The following BORCS5 variants were observed in gnomAD, a reference collection of about 807,000 sequenced individuals.
BORCS5 encodes BLOC-1 related complex subunit 5.
In BORCS5, 17 loss-of-function variants were observed where a neutral mutation model predicts 22.1. That is an observed-to-expected ratio of 0.77 (90% CI 0.53 to 1.15). The LOEUF (loss-of-function observed/expected upper bound fraction) is 1.15. BORCS5 is among the 50% of genes most tolerant of loss of function. The pLI is 0.00. For synonymous variants in BORCS5, 117 were observed against 99.8 expected (o/e 1.17, Z -1.03); for missense variants, 247 against 253.2 (o/e 0.98, Z 0.17).
intron 2 of BORCS5, among the ~76,000 whole-genome samples, chr12:12,387,232 A>G (rs750402347): frequency 6.6e-6 from 1 of 151,340 alleles, no homozygotes; most frequent in Non-Finnish European, 1.5e-5. Context: ...TGGATATACC[A>G]TAGACTGTCT....
chr12:12,464,932 A>G (rs1260462215), intron 3 of BORCS5, among the ~76,000 whole-genome samples: 2 of 152,088 alleles, frequency 1.3e-5, no homozygotes, highest in Non-Finnish European at 1.5e-5. Context: ...TCCAGGGAAG[A>G]GAAGGATTGA....
chr12:12,414,246 C>T (rs1420011230), intron 2 of BORCS5, among the ~76,000 whole-genome samples: 6 of 71,828 alleles, frequency 8.4e-5, no homozygotes, highest in East Asian at 3.4e-4. Context: ...GGCGGCTGGC[C>T]GGGCAGAGGG....
At chr12:12,428,944 T>C (rs1252270256) in intron 2 of BORCS5, among the ~76,000 whole-genome samples, 1 of 152,152 alleles carries the variant, frequency 6.6e-6, no homozygotes, top group Admixed American at 6.6e-5. Flanking sequence ...ATTTCAAGGT[T>C]CATTCTCTAT....
intron 2 of BORCS5, among the ~76,000 whole-genome samples, chr12:12,364,422 G>A (rs1468219059): frequency 1.3e-5 from 2 of 152,112 alleles, no homozygotes; most frequent in African/African-American, 2.4e-5. Context: ...TTCATTAAGT[G>A]GAAGTAGATC....
intron 2 of BORCS5, among the ~76,000 whole-genome samples, chr12:12,404,041 C>G (rs1454485953): frequency 6.6e-6 from 1 of 152,094 alleles, no homozygotes; most frequent in African/African-American, 2.4e-5. Context: ...AGGGCTCATT[C>G]AGTACTTGCA....
chr12:12,398,659 A>G (rs1941403528), intron 2 of BORCS5, among the ~76,000 whole-genome samples: 1 of 152,170 alleles, frequency 6.6e-6, no homozygotes, highest in South Asian at 2.1e-4. Context: ...ATACAGTGCT[A>G]TCAAACTCAA....
intron 3 of BORCS5, among the ~76,000 whole-genome samples, chr12:12,440,890 G>A (rs181309974): frequency 2.6e-5 from 4 of 152,344 alleles, no homozygotes; most frequent in Admixed American, 2.6e-4. Context: ...AGGTCACACA[G>A]TGAGGTAGTG....
At chr12:12,453,700 G>A (rs74822553) in intron 3 of BORCS5, among the ~76,000 whole-genome samples, 11 of 152,098 alleles carry the variant, frequency 7.2e-5, no homozygotes, top group East Asian at 3.8e-4. Flanking sequence ...TATCATTCAC[G>A]TAGTTCACCC....
intron 3 of BORCS5, chr12:12,452,119 A>C (rs1942922904): frequency 2.0e-6 from 1 of 511,722 alleles, no homozygotes; most frequent in South Asian, 1.6e-5. Context: ...AAAAGAGGGC[A>C]GGTTTGGCAC....
At chr12:12,398,155 G>T (rs1229269986) in intron 2 of BORCS5, among the ~76,000 whole-genome samples, 5 of 152,162 alleles carry the variant, frequency 3.3e-5, no homozygotes, top group Non-Finnish European at 7.4e-5. Context: ...CAAGTGACAG[G>T]GAAAACAATG....
intron 2 of BORCS5, among the ~76,000 whole-genome samples, chr12:12,414,912 G>A (rs1941888687): frequency 6.8e-6 from 1 of 147,370 alleles, no homozygotes; most frequent in Non-Finnish European, 1.5e-5. Flanking sequence ...TCCCAGACAG[G>A]GCGGCGGGGC....
chr12:12,361,343 T>C lies in BORCS5; in HGVS notation c.196T>C (p.Leu66=), dbSNP rs1175643052. 6.2e-7 allele frequency: 1 copy of C among 1,613,866 alleles called. No individual in the cohort carries two copies. Among genetic ancestry groups the C allele is most frequent in the African/African-American group, 1.3e-5 (1 of 74,920 alleles). ...LQEIPTFQPL[L]KGLLSGQTSP... ...AGAGATTCCAACCTTCCAGCCCCTT[T>C]TGAAAGGTAAAGGATTGCGTTTTGT... The change falls in exon 2 of 4, where the codon TTG becomes CTG. Residue 66 remains leucine (L), a synonymous_variant. Coordinates refer to ENST00000314565, the MANE Select transcript of BORCS5 (RefSeq NM_058169.6).
chr12:12,460,928 G>T (rs986801369), intron 3 of BORCS5, among the ~76,000 whole-genome samples: 2 of 152,172 alleles, frequency 1.3e-5, no homozygotes, highest in Non-Finnish European at 2.9e-5. Flanking sequence ...CAAGTAGGCA[G>T]ATGGGCCCGC....
rs1367366468 is a variant in BORCS5, at chr12:12,414,715, G to T, written c.203-20913G>T. 4.5e-5 allele frequency among the ~76,000 whole-genome samples: 6 copies of T among 134,122 alleles called. 1 individual carries two copies. The highest frequency in any genetic ancestry group is 9.8e-5 in the Non-Finnish European group (6 of 61,386). 88.0% of individuals were successfully genotyped at this position (134,122 alleles called of 152,430 possible). ...ACCCCCCCCACCTCCCTCCCGGATG[G>T]GGTGGCTGCCGGGCGGAGACGCTCC... On this transcript the variant is annotated intron_variant, in intron 2 of 3. Coordinates refer to ENST00000314565, the MANE Select transcript of BORCS5 (RefSeq NM_058169.6).
Position 12,386,631 on chromosome 12 carries a change from G to C in BORCS5, c.202+25282G>C, listed in dbSNP as rs1320585914. On this transcript the variant is annotated intron_variant, in intron 2 of 3. Transcript: ENST00000314565. ...CTGAGTAGCTGGACTACAGGCACGTGCTAGTTTTTTGTATTTTTCATAGAG... is the reference window on the plus strand; with the variant it reads ...CTGAGTAGCTGGACTACAGGCACGTCCTAGTTTTTTGTATTTTTCATAGAG... 2.3e-4 allele frequency among the ~76,000 whole-genome samples: 12 copies of C among 52,978 alleles called. No individual in the cohort carries two copies. The East Asian group carries it at 4.4e-3, about 19-fold the overall frequency. 34.8% of individuals were successfully genotyped at this position (52,978 alleles called of 152,430 possible).
intron 3 of BORCS5, among the ~76,000 whole-genome samples, chr12:12,464,380 C>T (rs1330749242): frequency 1.3e-5 from 2 of 152,134 alleles, no homozygotes; most frequent in Non-Finnish European, 2.9e-5. Flanking sequence ...TTTCTTGGGG[C>T]TGGCTTTGGT....
At chr12:12,414,883 A>T (rs1167546503) in intron 2 of BORCS5, among the ~76,000 whole-genome samples, 3 of 146,848 alleles carry the variant, frequency 2.0e-5, no homozygotes, top group Non-Finnish European at 4.5e-5. Context: ...GGTTGTGGCC[A>T]GCAGAGGCGC....
At chr12:12,416,341 T>C (rs1941953938) in intron 2 of BORCS5, among the ~76,000 whole-genome samples, 1 of 152,068 alleles carries the variant, frequency 6.6e-6, no homozygotes, top group South Asian at 2.1e-4. Context: ...TGGTCTAATC[T>C]TTCTTATTTC....
At chr12:12,389,498 T>TAAAA (rs1941113446) in intron 2 of BORCS5, among the ~76,000 whole-genome samples, 3 of 145,666 alleles carry the variant, frequency 2.1e-5, no homozygotes, top group Admixed American at 1.3e-4. Flanking sequence ...CCTCTGCCAG[T>TAAAA]ATCTTTTAAG....
Sources: gnomAD v4.1 joint callset for allele counts (sites outside exome capture counted in the v4.1 genomes callset) on GRCh38, gnomAD v4.1.1 for gene constraint, MANE v1.5 for transcripts, NCBI Gene and HGNC (gene_info 2026-07-23, HGNC 2026-07-21) for gene names.